FAM219B: variants seen among roughly 807,000 people sequenced by gnomAD.
FAM219B encodes the protein protein FAM219B.
A neutral mutation model predicts 19.9 loss-of-function variants in FAM219B; 18 were observed. The ratio of observed to expected loss-of-function variants is 0.91; its 90% CI spans 0.63 to 1.34. The LOEUF (loss-of-function observed/expected upper bound fraction) is 1.34. FAM219B is among the 40% of genes most tolerant of loss of function. The probability of loss-of-function intolerance (pLI) is 0.00; values close to 1 mark genes in which losing one functional copy is unlikely to be tolerated. For missense variants in FAM219B, 283 were observed against 270.5 expected, an observed-to-expected ratio of 1.05 and a Z score of -0.32; for synonymous variants, 123 against 117.5, an observed-to-expected ratio of 1.05 and a Z score of -0.30.
chr15:74,906,782 T>C lies in FAM219B; in HGVS notation c.19A>G (p.Ser7Gly), dbSNP rs1415341285. 7 of 1,288,216 alleles carry C rather than the reference T, an allele frequency of 5.4e-6. No individual in the cohort carries two copies. The East Asian group carries it at 1.6e-4, about 29-fold the overall frequency. The allele number at this position is 1,288,216 out of a possible 1,614,324, so 79.8% of individuals were successfully genotyped here. A position where few individuals can be genotyped will look rare whatever the true frequency, so the allele number is the denominator to read the frequency against. MATAEPSGRALRLSTPG... is the reference protein window; with the variant it reads MATAEPGGRALRLSTPG... ...GTAGACAACCGCAACGCGCGCCCGC[T>C]GGGCTCCGCGGTCGCCATGGCCGGG... The change falls in exon 1 of 5, where the codon AGC (serine) becomes GGC (glycine). Residue 7 changes from serine (S) to glycine (G), a missense_variant. Coordinates refer to ENST00000357635, the MANE Select transcript of FAM219B (RefSeq NM_020447.5).
intron 4 of FAM219B, among the ~76,000 whole-genome samples, chr15:74,903,253 G>A (rs1352830679): frequency 1.3e-5 from 2 of 152,092 alleles, no homozygotes; most frequent in Non-Finnish European, 2.9e-5. Flanking sequence ...TGCCAACAGA[G>A]GTGGGTTCCT....
chr15:74,905,361 A>G lies in FAM219B; in HGVS notation c.303-130T>C, dbSNP rs574136341. 4 of 781,772 alleles carry G rather than the reference A, an allele frequency of 5.1e-6. No homozygotes were observed. In the African/African-American group the frequency reaches 6.8e-5, roughly 13 times the overall value. 48.4% of individuals were successfully genotyped at this position (781,772 alleles called of 1,614,324 possible). A position where few individuals can be genotyped will look rare whatever the true frequency, so the allele number is the denominator to read the frequency against. Reference sequence around the variant, plus strand: ...ACTGACTTGCCTTCTCCCTGGTCACAGCCACCACTGCCTGCAGCTCCATGT... The same window carrying G: ...ACTGACTTGCCTTCTCCCTGGTCACGGCCACCACTGCCTGCAGCTCCATGT... On this transcript the variant is annotated intron_variant, in intron 2 of 4. Coordinates refer to ENST00000357635, the MANE Select transcript of FAM219B (RefSeq NM_020447.5).
At position 74,901,008 on chromosome 15, in the gene FAM219B, C is replaced by A. The variant is rs953099357; in HGVS notation, c.*1611G>T. 1 of 152,232 alleles carries A rather than the reference C, an allele frequency of 6.6e-6. No homozygotes were observed. The highest frequency in any genetic ancestry group is 2.4e-5 in the African/African-American group (1 of 41,446). The allele number at this position is 152,232 out of a possible 1,614,324, so 9.4% of individuals were successfully genotyped here. On this transcript the variant is annotated 3_prime_UTR_variant, in exon 5 of 5. Transcript: ENST00000357635. ...ATTAGACTTGCTCATCTTCTAGTCA[C>A]CCCTTGTGGTAGAGCGAAAAGAGTG...
In FAM219B at chr15:74,902,521, T is replaced by A; in HGVS notation, c.*98A>T. 1 of 1,283,250 alleles carries A rather than the reference T, an allele frequency of 7.8e-7. No individual in the cohort carries two copies. The highest frequency in any genetic ancestry group is 1.0e-6 in the Non-Finnish European group (1 of 958,910). The allele number at this position is 1,283,250 out of a possible 1,614,324, so 79.5% of individuals were successfully genotyped here. ...CTACCTGCAGGTCACTTTCTAGGGG[T>A]CAGTGACTTCAGTGCTCACTGCACT... On this transcript the variant is annotated 3_prime_UTR_variant, in exon 5 of 5. Transcript: ENST00000357635.
Position 74,902,572 on chromosome 15 carries a change from G to T in FAM219B, c.*47C>A. On this transcript the variant is annotated 3_prime_UTR_variant, in exon 5 of 5. Coordinates refer to ENST00000357635, the MANE Select transcript of FAM219B (RefSeq NM_020447.5). ...GTGTGAGCTATGAGTGGCCAACAGG[G>T]CTCTGTAGGCCTCATGGTGAGCAGG... The T allele has an allele frequency of 1.3e-6, 2 of 1,538,142 alleles. No homozygotes were observed. The highest frequency in any genetic ancestry group is 1.8e-6 in the Non-Finnish European group (2 of 1,140,080).
chr15:74,905,663 TC>T (rs2065158579), intron 2 of FAM219B: 1 of 199,244 alleles, frequency 5.0e-6, no homozygotes, highest in Non-Finnish European at 1.1e-5. Context: ...TCCACCCGCC[TC>T]GGCTTCCCAA....
rs1398552223 is a variant in FAM219B at position 74,902,543 on chromosome 15, C to T, written c.*76G>A. ...GGGTCAGTGACTTCAGTGCTCACTG[C>T]ACTGTGTGAGCTATGAGTGGCCAAC... On this transcript the variant is annotated 3_prime_UTR_variant, in exon 5 of 5. Transcript: ENST00000357635. 6 of 1,447,476 alleles carry T rather than the reference C, an allele frequency of 4.1e-6. No individual in the cohort carries two copies. In the East Asian group the frequency reaches 1.2e-4, roughly 28 times the overall value. The allele number at this position is 1,447,476 out of a possible 1,614,324, so 89.7% of individuals were successfully genotyped here. A position where few individuals can be genotyped will look rare whatever the true frequency, so the allele number is the denominator to read the frequency against.
chr15:74,899,539 G>C (rs1014985909), downstream of FAM219B: 1 of 152,266 alleles, frequency 6.6e-6, no homozygotes, highest in South Asian at 2.1e-4. Context: ...TGCCCAGTGG[G>C]AACAGCAGAA....
At chr15:74,897,979 C>A, downstream of FAM219B, 1 of 557,022 alleles carries the variant, frequency 1.8e-6, no homozygotes, top group Non-Finnish European at 3.3e-6. Flanking sequence ...CTACTCCTCG[C>A]TACACCTGAG....
Position 74,906,738 on chromosome 15 carries a change from G to A in FAM219B, c.63C>T (p.Ser21=). Residue 21 remains serine, a synonymous_variant, in exon 1 of 5, where the codon AGC becomes AGT. Transcript: ENST00000357635. ...LRLSTPGPRP[S]GARDRAPGAA... ...CTCCCGGCGCGCGGTCCCGAGCCCCGCTGGGCCGGGGTCCCGGGGTAGACA... is the reference window on the plus strand; with the variant it reads ...CTCCCGGCGCGCGGTCCCGAGCCCCACTGGGCCGGGGTCCCGGGGTAGACA... The A allele has an allele frequency of 1.5e-6, 2 of 1,346,832 alleles. No individual in the cohort carries two copies. Among genetic ancestry groups the A allele is most frequent in the South Asian group, 4.1e-5 (2 of 48,820 alleles). 83.4% of individuals were successfully genotyped at this position (1,346,832 alleles called of 1,614,324 possible). A position where few individuals can be genotyped will look rare whatever the true frequency, so the allele number is the denominator to read the frequency against.
rs1387001507 is a variant in FAM219B at position 74,902,475 on chromosome 15, C to T, written c.*144G>A. On this transcript the variant is annotated 3_prime_UTR_variant, in exon 5 of 5. Transcript: ENST00000357635. ...CACAGCCCAGATGGGGGCCTCTGGC[C>T]TGAGAAGCAACAGGTAAGGGCTACC... 5.3e-6 allele frequency: 4 copies of T among 754,338 alleles called. No homozygotes were observed. In the African/African-American group the frequency reaches 5.4e-5, roughly 10 times the overall value. 46.7% of individuals were successfully genotyped at this position (754,338 alleles called of 1,614,324 possible).
chr15:74,902,766 G>A lies in FAM219B; in HGVS notation c.450C>T (p.Ser150=). The part of the protein sequence containing the change: ...SSAEQVNQDV[S]RQLLQDGYHL... ...GATACCCATCCTGAAGCAGCTGCCG[G>A]CTCACATCCTGGTTCACCTGCTAAG... The change falls in exon 5 of 5, where the codon AGC becomes AGT. Residue 150 remains serine (S), a synonymous_variant. Coordinates refer to ENST00000357635, the MANE Select transcript of FAM219B (RefSeq NM_020447.5). 6.2e-7 allele frequency: 1 copy of A among 1,610,230 alleles called. No homozygotes were observed. Among genetic ancestry groups the A allele is most frequent in the Non-Finnish European group, 8.5e-7 (1 of 1,178,146 alleles).
intron 4 of FAM219B, among the ~76,000 whole-genome samples, chr15:74,903,461 C>T (rs550736334): frequency 1.7e-4 from 26 of 151,854 alleles, no homozygotes; most frequent in African/African-American, 5.6e-4. Context: ...ATTAGCCAGG[C>T]GTGACGGCGG....
intron 4 of FAM219B, among the ~76,000 whole-genome samples, chr15:74,903,637 T>C (rs1263825900): frequency 3.7e-5 from 4 of 106,992 alleles, no homozygotes; most frequent in Non-Finnish European, 5.9e-5. Context: ...AAAAGAAAAA[T>C]AAATGAGGCT....
At position 74,902,532 on chromosome 15, in the gene FAM219B, A is replaced by T; in HGVS notation, c.*87T>A. 7.2e-7 allele frequency: 1 copy of T among 1,380,824 alleles called. No individual in the cohort carries two copies. The highest frequency in any genetic ancestry group is 9.6e-7 in the Non-Finnish European group (1 of 1,036,744). 85.5% of individuals were successfully genotyped at this position (1,380,824 alleles called of 1,614,324 possible). A position where few individuals can be genotyped will look rare whatever the true frequency, so the allele number is the denominator to read the frequency against. On this transcript the variant is annotated 3_prime_UTR_variant, in exon 5 of 5. Coordinates refer to ENST00000357635, the MANE Select transcript of FAM219B (RefSeq NM_020447.5). ...TCACTTTCTAGGGGTCAGTGACTTC[A>T]GTGCTCACTGCACTGTGTGAGCTAT...
chr15:74,903,631 G>GAAAA lies in FAM219B; in HGVS notation c.430-849_430-846dup, dbSNP rs1415609160. ...AAAAAAAAAAAAAAAAAAAGAAAAAGAAAAATAAATGAGGCTGGGGAAAGT... is the reference window on the plus strand; with the variant it reads ...AAAAAAAAAAAAAAAAAAAGAAAAAGAAAAAAAAATAAATGAGGCTGGGGAAAGT... On this transcript the variant is annotated intron_variant, in intron 4 of 4. Coordinates refer to ENST00000357635, the MANE Select transcript of FAM219B (RefSeq NM_020447.5). 2.9e-4 allele frequency among the ~76,000 whole-genome samples: 35 copies of GAAAA among 121,480 alleles called. 1 individual carries two copies. Among genetic ancestry groups the GAAAA allele is most frequent in the African/African-American group, 1.5e-3 (35 of 23,846 alleles). 79.7% of individuals were successfully genotyped at this position (121,480 alleles called of 152,430 possible).
At position 74,906,760 on chromosome 15, in the gene FAM219B, G is replaced by A. The variant is rs1168564428; in HGVS notation, c.41C>T (p.Ser14Phe). Residue 14 changes from serine to phenylalanine, a missense_variant, in exon 1 of 5, where the codon TCT (serine) becomes TTT (phenylalanine). By Grantham distance (155) the Ser-to-Phe change is radical. Transcript: ENST00000357635. ...AEPSGRALRL[S>F]TPGPRPSGAR... ...CCCGCTGGGCCGGGGTCCCGGGGTA[G>A]ACAACCGCAACGCGCGCCCGCTGGG... 43 of 1,309,880 alleles carry A rather than the reference G, an allele frequency of 3.3e-5. No homozygotes were observed. Among genetic ancestry groups the A allele is most frequent in the Non-Finnish European group, 3.5e-5 (36 of 1,027,968 alleles). The allele number at this position is 1,309,880 out of a possible 1,614,324, so 81.1% of individuals were successfully genotyped here.
downstream of FAM219B, chr15:74,898,171 G>C (rs1042476793): frequency 2.7e-5 from 9 of 329,004 alleles, no homozygotes; most frequent in Non-Finnish European, 4.8e-5. Flanking sequence ...TAGGCCTGTA[G>C]ACTAACGCTG....
At chr15:74,904,573 T>C in intron 4 of FAM219B, 91 bp downstream of exon 4, 1 of 1,442,556 alleles carries the variant, frequency 6.9e-7, no homozygotes, top group Non-Finnish European at 9.8e-7. Flanking sequence ...GGCACAGTGC[T>C]GTGCTCACAG....
Sources: allele counts gnomAD v4.1 joint callset (sites outside exome capture counted in the v4.1 genomes callset), GRCh38; gene constraint gnomAD v4.1.1; transcripts MANE v1.5; gene names NCBI Gene and HGNC (gene_info 2026-07-23, HGNC 2026-07-21).